The following MPC2 variants were observed in gnomAD, a reference collection of about 807,000 sequenced individuals.
MPC2 encodes mitochondrial pyruvate carrier 2.
Under a neutral mutation model 19.2 loss-of-function variants are expected in MPC2, and 19 were observed. That is an observed-to-expected ratio of 0.99 (90% CI 0.69 to 1.45). The LOEUF is 1.45. Among genes scored for constraint, MPC2 ranks in the 40% most tolerant of loss-of-function variants. The pLI, the probability that MPC2 is intolerant of heterozygous loss-of-function variation, is 0.00. For missense variants in MPC2, 122 were observed against 153.0 expected (o/e 0.80, Z 1.07); for synonymous variants, 61 against 54.3 (o/e 1.12, Z -0.54).
rs1670805545 is a variant in MPC2, at chr1:167,928,109, G to A, written c.110-3572C>T. ...CATGCCTGTAATCCCAGCACTTTGT[G>A]AGGCCGAGATGGGCGGATCACGAGG... On this transcript the variant is annotated intron_variant, in intron 2 of 5. Transcript: ENST00000271373. Among the ~76,000 whole-genome samples, 2 of 152,266 alleles carry A rather than the reference G, an allele frequency of 1.3e-5. 1 individual carries two copies. The highest frequency in any genetic ancestry group is 4.1e-4 in the South Asian group (2 of 4,828).
intron 5 of MPC2, among the ~76,000 whole-genome samples, chr1:167,918,873 G>A (rs1670533980): frequency 6.6e-6 from 1 of 152,078 alleles, no homozygotes. Context: ...GATTACAGGA[G>A]TGAGCCACCA....
chr1:167,932,383 A>C (rs967299395), intron 2 of MPC2, among the ~76,000 whole-genome samples: 2 of 152,178 alleles, frequency 1.3e-5, no homozygotes, highest in African/African-American at 4.8e-5. Flanking sequence ...AAGTTCTATA[A>C]TTTTCTTCCT....
chr1:167,929,432 A>C (rs1274633974), intron 2 of MPC2, among the ~76,000 whole-genome samples: 1 of 152,200 alleles, frequency 6.6e-6, no homozygotes, highest in African/African-American at 2.4e-5. Flanking sequence ...ACTGACTATA[A>C]GTTATTTTGT....
At chr1:167,936,153 G>A in intron 1 of MPC2, 1 of 330,276 alleles carries the variant, frequency 3.0e-6, no homozygotes, top group Non-Finnish European at 5.8e-6. Context: ...GCTGCGCCCT[G>A]CTGGCAGCGC....
chr1:167,923,492 A>G (rs1425393594), intron 3 of MPC2, among the ~76,000 whole-genome samples: 2 of 152,194 alleles, frequency 1.3e-5, no homozygotes, highest in South Asian at 2.1e-4. Context: ...TACTTAGAGT[A>G]GTGAAATTCA....
At chr1:167,933,500 A>G (rs1284709772) in intron 2 of MPC2, among the ~76,000 whole-genome samples, 4 of 152,242 alleles carry the variant, frequency 2.6e-5, no homozygotes, top group Non-Finnish European at 5.9e-5. Context: ...CGAGACATAC[A>G]GTGTCAGTGA....
chr1:167,927,980 A>G (rs1031664494), intron 2 of MPC2, among the ~76,000 whole-genome samples: 13 of 152,328 alleles, frequency 8.5e-5, no homozygotes, highest in Non-Finnish European at 1.3e-4. Context: ...TTTCTGAGAT[A>G]CTAAAAGATG....
intron 2 of MPC2, among the ~76,000 whole-genome samples, chr1:167,926,326 G>A (rs1177549431): frequency 6.6e-6 from 1 of 152,116 alleles, no homozygotes; most frequent in African/African-American, 2.4e-5. Flanking sequence ...CTGTTATCCA[G>A]TTCTCTAAGC....
At chr1:167,925,936 A>G (rs947018811) in intron 2 of MPC2, among the ~76,000 whole-genome samples, 19 of 152,204 alleles carry the variant, frequency 1.2e-4, no homozygotes, top group Admixed American at 3.9e-4. Flanking sequence ...TGCTTTTAAT[A>G]GTTTTAAAAT....
chr1:167,924,353 T>G (rs932223590), intron 3 of MPC2, 144 bp downstream of exon 3: 5 of 595,650 alleles, frequency 8.4e-6, no homozygotes, highest in Middle Eastern at 4.8e-4. Context: ...GAAAACGATA[T>G]GTCTGAGAAT....
In MPC2 at chr1:167,920,645, C is replaced by T. The variant is rs1368655207; in HGVS notation, c.151-14G>A. On this transcript the variant is annotated splice_polypyrimidine_tract_variant and intron_variant, in intron 3 of 5. Transcript: ENST00000271373. ...ACACACCAACCCCTACACATTAACGCATAGAAAGAAAAAAAGTATCACAAA... is the reference window on the plus strand; with the variant it reads ...ACACACCAACCCCTACACATTAACGTATAGAAAGAAAAAAAGTATCACAAA... 3.1e-6 allele frequency: 5 copies of T among 1,600,612 alleles called. No homozygotes were observed. The highest frequency in any genetic ancestry group is 4.3e-6 in the Non-Finnish European group (5 of 1,174,878).
intron 1 of MPC2, 114 bp from the exon 2 acceptor site, chr1:167,936,012 G>A: frequency 1.6e-6 from 1 of 618,274 alleles, no homozygotes; most frequent in Non-Finnish European, 2.9e-6. Context: ...AAAAGCTGCG[G>A]CCCGCGCCCC....
intron 2 of MPC2, 40 bp downstream of exon 2, chr1:167,935,693 G>C (rs1363807606): frequency 6.6e-7 from 1 of 1,510,354 alleles, no homozygotes; most frequent in Non-Finnish European, 9.0e-7. Flanking sequence ...GAGGAAGCGA[G>C]AAGGAAGGTC....
At position 167,935,894 on chromosome 1, in the gene MPC2, C is replaced by A; in HGVS notation, c.-53G>T. 2 of 1,388,080 alleles carry A rather than the reference C, an allele frequency of 1.4e-6. No individual in the cohort carries two copies. The highest frequency in any genetic ancestry group is 5.0e-5 in the East Asian group (2 of 40,108). 86.0% of individuals were successfully genotyped at this position (1,388,080 alleles called of 1,614,324 possible). A position where few individuals can be genotyped will look rare whatever the true frequency, so the allele number is the denominator to read the frequency against. ...GTGGGAGCGTGGCTGTGTTCTCGTC[C>A]CTGGCTGACAACGAAGGGGAGCTAG... is the stretch of plus-strand genomic sequence containing the variant. On this transcript the variant is annotated 5_prime_UTR_variant, in exon 2 of 6. Coordinates refer to ENST00000271373, the MANE Select transcript of MPC2 (RefSeq NM_001143674.4).
intron 2 of MPC2, among the ~76,000 whole-genome samples, chr1:167,926,825 T>A (rs1670771252): frequency 6.6e-6 from 1 of 152,194 alleles, no homozygotes; most frequent in Admixed American, 6.5e-5. Context: ...CTTCTCAATA[T>A]CCTGCTTAGT....
chr1:167,937,045 C>T lies in MPC2; in HGVS notation c.-164G>A, dbSNP rs773533764. ...CCCCGGGGCGGAGGCGCTGAGGTCG[C>T]CGCCTAGAGTGGGGGAGGGGGCACG... On this transcript the variant is annotated 5_prime_UTR_variant, in exon 1 of 6. Coordinates refer to ENST00000271373, the MANE Select transcript of MPC2 (RefSeq NM_001143674.4). The T allele has an allele frequency of 4.5e-6, 7 of 1,556,254 alleles. No individual in the cohort carries two copies. The highest frequency in any genetic ancestry group is 2.3e-5 in the South Asian group (2 of 86,634).
At chr1:167,931,999 A>G (rs1442215875) in intron 2 of MPC2, among the ~76,000 whole-genome samples, 1 of 152,224 alleles carries the variant, frequency 6.6e-6, no homozygotes, top group Non-Finnish European at 1.5e-5. Flanking sequence ...GTTAAGAATG[A>G]TATTCTCAGC....
intron 1 of MPC2, chr1:167,936,247 A>T (rs1273057055): frequency 3.9e-5 from 9 of 228,628 alleles, no homozygotes; most frequent in South Asian, 3.8e-4. Context: ...CCTTCTCCCC[A>T]TGCCCTCGAG....
intron 3 of MPC2, among the ~76,000 whole-genome samples, chr1:167,923,501 CAT>C (rs1670653794): frequency 6.6e-6 from 1 of 151,980 alleles, no homozygotes; most frequent in African/African-American, 2.4e-5. Context: ...TAGTGAAATT[CAT>C]AGAGACAGAA....
Sources: allele counts gnomAD v4.1 joint callset (sites outside exome capture counted in the v4.1 genomes callset), GRCh38; gene constraint gnomAD v4.1.1; transcripts MANE v1.5; gene names NCBI Gene and HGNC (gene_info 2026-07-23, HGNC 2026-07-21).